Variants in HTR4 observed in about 807,000 individuals in gnomAD.
HTR4 encodes 5-hydroxytryptamine receptor 4.
A neutral mutation model predicts 36.8 loss-of-function variants in HTR4; 16 were observed. The ratio of observed to expected loss-of-function variants is 0.43; its 90% CI spans 0.29 to 0.66. HTR4 has a LOEUF of 0.66. Ranked by LOEUF, HTR4 falls within the 30% of genes least tolerant of loss-of-function variation. HTR4 has a pLI of 0.13. For synonymous variants in HTR4, 189 were observed against 185.1 expected (o/e 1.02, Z -0.17); for missense variants, 438 against 490.9 (o/e 0.89, Z 1.02).
intron 5 of HTR4, among the ~76,000 whole-genome samples, chr5:148,456,318 G>A (rs995326264): frequency 9.2e-5 from 14 of 152,174 alleles, no homozygotes; most frequent in African/African-American, 3.1e-4. Context: ...ACATTGCCTT[G>A]TGAATTCAGA....
At chr5:148,626,051 T>C (rs1435637745) in intron 2 of HTR4, among the ~76,000 whole-genome samples, 1 of 152,146 alleles carries the variant, frequency 6.6e-6, no homozygotes, top group East Asian at 1.9e-4. Flanking sequence ...CTGGTCTGAG[T>C]CTCTCAGTCA....
chr5:148,525,341 T>C (rs1362629329), intron 4 of HTR4, among the ~76,000 whole-genome samples: 2 of 152,152 alleles, frequency 1.3e-5, no homozygotes, highest in African/African-American at 4.8e-5. Flanking sequence ...TTTTTTCAAA[T>C]TTTGTTTCCT....
intron 2 of HTR4, among the ~76,000 whole-genome samples, chr5:148,551,928 T>A (rs957630667): frequency 2.6e-5 from 4 of 152,212 alleles, no homozygotes; most frequent in Non-Finnish European, 5.9e-5. Flanking sequence ...AAAGAAGAGC[T>A]GACTTGTCAG....
chr5:148,574,420 A>G (rs1760808126), intron 2 of HTR4, among the ~76,000 whole-genome samples: 1 of 151,904 alleles, frequency 6.6e-6, no homozygotes, highest in Admixed American at 6.6e-5. Context: ...ACTCACACAC[A>G]CACGTGACAG....
intron 6 of HTR4, among the ~76,000 whole-genome samples, chr5:148,508,170 C>T (rs1161151532): frequency 6.6e-6 from 1 of 151,944 alleles, no homozygotes; most frequent in African/African-American, 2.4e-5. Flanking sequence ...ATGAAAATAT[C>T]CCCCAATTTT....
chr5:148,583,485 A>G (rs1761226143), intron 2 of HTR4, among the ~76,000 whole-genome samples: 1 of 151,980 alleles, frequency 6.6e-6, no homozygotes. Context: ...AAAAAAAAGA[A>G]TGATGCAAAG....
chr5:148,498,847 T>C (rs954287003), intron 6 of HTR4, among the ~76,000 whole-genome samples: 5 of 152,110 alleles, frequency 3.3e-5, no homozygotes, highest in African/African-American at 1.2e-4. Flanking sequence ...TAAGAATAGG[T>C]CCATCTGATC....
In HTR4 at chr5:148,548,872, T is replaced by C. The variant is rs1180097344; in HGVS notation, c.153-4A>G. On this transcript the variant is annotated splice_polypyrimidine_tract_variant and splice_region_variant and intron_variant, in intron 3 of 6. Transcript: ENST00000377888. ...GAAATAATTTGTTTTTATTTTCCTG[T>C]GAGTGAAAAAGTGTAAGAGAGGAGG... is the stretch of plus-strand genomic sequence containing the variant. 2 of 1,610,180 alleles carry C rather than the reference T, an allele frequency of 1.2e-6. No homozygotes were observed. Among genetic ancestry groups the C allele is most frequent in the Non-Finnish European group, 1.7e-6 (2 of 1,177,974 alleles).
At chr5:148,646,818 A>G (rs774231446) in intron 1 of HTR4, among the ~76,000 whole-genome samples, 5 of 152,200 alleles carry the variant, frequency 3.3e-5, no homozygotes, top group Non-Finnish European at 7.3e-5. Flanking sequence ...TCACAGATGA[A>G]GAAACTGAGG....
At chr5:148,534,660 A>G (rs1758727007) in intron 4 of HTR4, among the ~76,000 whole-genome samples, 1 of 152,080 alleles carries the variant, frequency 6.6e-6, no homozygotes, top group South Asian at 2.1e-4. Flanking sequence ...ACCCAAGGAG[A>G]GGAGGCCAGA....
At chr5:148,639,171 C>T (rs1317216206) in intron 1 of HTR4, among the ~76,000 whole-genome samples, 2 of 152,148 alleles carry the variant, frequency 1.3e-5, no homozygotes, top group African/African-American at 4.8e-5. Flanking sequence ...CTGAATTACT[C>T]ACCCACACCC....
intron 2 of HTR4, among the ~76,000 whole-genome samples, chr5:148,604,819 G>A (rs1480450048): frequency 1.3e-5 from 2 of 152,202 alleles, no homozygotes; most frequent in Non-Finnish European, 2.9e-5. Context: ...CCTTTGCAGG[G>A]TAGAGGTAGG....
intron 2 of HTR4, among the ~76,000 whole-genome samples, chr5:148,634,909 A>T (rs567971168): frequency 4.1e-4 from 63 of 152,320 alleles, no homozygotes; most frequent in Non-Finnish European, 1.8e-4. Context: ...CTTATCAAAG[A>T]AGAATTTCTG....
intron 6 of HTR4, among the ~76,000 whole-genome samples, chr5:148,493,398 CA>C (rs1756545996): frequency 6.6e-6 from 1 of 152,254 alleles, no homozygotes; most frequent in African/African-American, 2.4e-5. Context: ...CTGGTAAAAA[CA>C]AAATACTTAA....
chr5:148,575,946 C>A (rs1376810343), intron 2 of HTR4, among the ~76,000 whole-genome samples: 1 of 151,534 alleles, frequency 6.6e-6, no homozygotes, highest in Non-Finnish European at 1.5e-5. Flanking sequence ...GTCAAACTAT[C>A]TCTATTTGTA....
At chr5:148,601,285 C>A (rs1337102977) in intron 2 of HTR4, among the ~76,000 whole-genome samples, 2 of 152,082 alleles carry the variant, frequency 1.3e-5, no homozygotes, top group Admixed American at 1.3e-4. Flanking sequence ...TGTAGAGGTT[C>A]CTCGAAATAG....
intron 1 of HTR4, chr5:148,645,023 G>C (rs193057038): frequency 6.6e-6 from 1 of 152,180 alleles, no homozygotes; most frequent in East Asian, 1.9e-4. Context: ...ATTGGTACTG[G>C]TTTTCGCTTT....
intron 4 of HTR4, among the ~76,000 whole-genome samples, chr5:148,525,124 C>T (rs539290273): frequency 4.8e-4 from 73 of 152,282 alleles, no homozygotes; most frequent in African/African-American, 1.7e-3. Flanking sequence ...CATTATAATT[C>T]TGACATGGCT....
intron 6 of HTR4, among the ~76,000 whole-genome samples, chr5:148,493,181 A>C (rs1756536616): frequency 6.6e-6 from 1 of 152,180 alleles, no homozygotes; most frequent in South Asian, 2.1e-4. Context: ...GTTTTCTGAA[A>C]GATTACTTCA....
Sources: allele counts gnomAD v4.1 joint callset (sites outside exome capture counted in the v4.1 genomes callset), GRCh38; gene constraint gnomAD v4.1.1; transcripts MANE v1.5; gene names NCBI Gene and HGNC (gene_info 2026-07-23, HGNC 2026-07-21).